PCLO: variants seen among roughly 807,000 people sequenced by gnomAD.
PCLO encodes protein piccolo.
Under a neutral mutation model 427.5 loss-of-function variants are expected in PCLO, and 82 were observed. The ratio of observed to expected loss-of-function variants is 0.19; its 90% confidence interval spans 0.16 to 0.23. PCLO has a LOEUF of 0.23. Among genes scored for constraint, PCLO ranks in the 10% least tolerant of loss-of-function variants. PCLO has a pLI of 1.00. For missense variants in PCLO, 6,239 were observed against 6,115.9 expected (o/e 1.02, Z -0.67); for synonymous variants, 2,357 against 2,155.4 (o/e 1.09, Z -2.59).
At chr7:83,018,484 A>T (rs1788264469) in intron 3 of PCLO, among the ~76,000 whole-genome samples, 1 of 151,992 alleles carries the variant, frequency 6.6e-6, no homozygotes, top group Admixed American at 6.6e-5. Flanking sequence ...GAGCTAAAAT[A>T]ATATCGAATT....
Position 83,155,725 on chromosome 7 carries a change from T to C in PCLO, c.916A>G (p.Ile306Val), listed in dbSNP as rs770385439. Reference sequence around the variant, plus strand: ...GGTTTTCCAGGAGTTGGTTGCTGAATAGGTGGTTTGGATGGGCTTGGCAGT... The same window carrying C: ...GGTTTTCCAGGAGTTGGTTGCTGAACAGGTGGTTTGGATGGGCTTGGCAGT... ...PSLPSPSKPP[I>V]QQPTPGKPPA... Residue 306 changes from isoleucine (I) to valine (V), a missense_variant, in exon 2 of 25, where the codon ATT becomes GTT. This residue lies in a region of PCLO where 4,677 missense variants were observed against 4,468.4 expected (regional missense o/e 1.05). Transcript: ENST00000333891. 3.8e-5 allele frequency: 62 copies of C among 1,613,842 alleles called. No individual in the cohort carries two copies. Among genetic ancestry groups the C allele is most frequent in the Middle Eastern group, 1.6e-4 (1 of 6,084 alleles).
chr7:83,076,041 T>C (rs937356630), intron 3 of PCLO, among the ~76,000 whole-genome samples: 2 of 151,902 alleles, frequency 1.3e-5, no homozygotes, highest in Non-Finnish European at 2.9e-5. Context: ...TGATGGCTAG[T>C]AATGCTTTGT....
intron 3 of PCLO, among the ~76,000 whole-genome samples, chr7:82,991,198 T>C (rs903823657): frequency 6.6e-6 from 1 of 152,156 alleles, no homozygotes; most frequent in Non-Finnish European, 1.5e-5. Flanking sequence ...TATGTGTCTA[T>C]TTATAGTATC....
chr7:82,761,251 TGACA>T, intron 23 of PCLO, 104 bp downstream of exon 23: 1 of 598,326 alleles, frequency 1.7e-6, no homozygotes, highest in Admixed American at 3.5e-5. Flanking sequence ...TTATTTTTTC[TGACA>T]TATTTGGTGT....
At chr7:83,118,541 G>C (rs895011968) in intron 3 of PCLO, among the ~76,000 whole-genome samples, 3 of 152,012 alleles carry the variant, frequency 2.0e-5, no homozygotes, top group Non-Finnish European at 4.4e-5. Flanking sequence ...CCTTGGAAGA[G>C]GGAGGGAGAG....
intron 3 of PCLO, among the ~76,000 whole-genome samples, chr7:83,016,880 C>T (rs980521366): frequency 7.9e-5 from 12 of 152,058 alleles, no homozygotes; most frequent in Non-Finnish European, 1.5e-4. Context: ...AAAACTAGCA[C>T]CCCCTAGGAC....
intron 2 of PCLO, among the ~76,000 whole-genome samples, chr7:83,154,212 A>C (rs1054469201): frequency 2.6e-5 from 4 of 152,324 alleles, no homozygotes; most frequent in Non-Finnish European, 5.9e-5. Flanking sequence ...ATTTTGTGAA[A>C]TGATTTAATA....
In PCLO at chr7:82,932,944, G is replaced by T. The variant is rs565890530; in HGVS notation, c.11113-16071C>A. ...CATCTTATTGAACTTCTACATATATGTCTGTCTTGAATATGATTTGGTTTT... is the reference window on the plus strand; with the variant it reads ...CATCTTATTGAACTTCTACATATATTTCTGTCTTGAATATGATTTGGTTTT... On this transcript the variant is annotated intron_variant, in intron 6 of 24. Transcript: ENST00000333891. Among the ~76,000 whole-genome samples the T allele has an allele frequency of 2.9e-4, 44 of 152,016 alleles. 2 individuals are homozygous for T. The South Asian group carries it at 8.5e-3, about 29-fold the overall frequency.
chr7:83,160,434 C>A (rs372439821), intron 1 of PCLO, among the ~76,000 whole-genome samples: 2 of 152,118 alleles, frequency 1.3e-5, no homozygotes, highest in East Asian at 3.9e-4. Context: ...AAGTGAAAAA[C>A]CAAATGTTTC....
intron 3 of PCLO, among the ~76,000 whole-genome samples, chr7:83,067,131 T>C (rs1193098256): frequency 6.6e-6 from 1 of 152,222 alleles, no homozygotes; most frequent in African/African-American, 2.4e-5. Flanking sequence ...ATCCCCAAGA[T>C]ATCTCATTAT....
chr7:83,050,631 T>C (rs902489336), intron 3 of PCLO, among the ~76,000 whole-genome samples: 26 of 151,864 alleles, frequency 1.7e-4, no homozygotes, highest in African/African-American at 6.0e-4. Context: ...AAAGCTGGGT[T>C]AACATTTAAA....
chr7:82,883,126 G>C (rs1793548602), intron 9 of PCLO, among the ~76,000 whole-genome samples: 1 of 151,946 alleles, frequency 6.6e-6, no homozygotes, highest in Non-Finnish European at 1.5e-5. Context: ...CAACTGTGTT[G>C]ATTTTTTATA....
chr7:82,886,827 A>T (rs1371637641), intron 9 of PCLO, among the ~76,000 whole-genome samples: 3 of 152,198 alleles, frequency 2.0e-5, no homozygotes, highest in African/African-American at 7.2e-5. Flanking sequence ...CAAACATCCC[A>T]TTGAAATTAT....
chr7:83,010,523 G>T (rs1788051652), intron 3 of PCLO, among the ~76,000 whole-genome samples: 1 of 150,522 alleles, frequency 6.6e-6, no homozygotes, highest in Admixed American at 6.7e-5. Flanking sequence ...CCTAAATATT[G>T]ATTTATATTT....
At chr7:82,890,429 G>C (rs1251701010) in intron 9 of PCLO, among the ~76,000 whole-genome samples, 2 of 151,826 alleles carry the variant, frequency 1.3e-5, no homozygotes, top group Non-Finnish European at 2.9e-5. Flanking sequence ...CTGTACCACA[G>C]ACTTTTCCCA....
intron 3 of PCLO, among the ~76,000 whole-genome samples, chr7:82,991,684 C>T (rs41570): frequency 0.74 from 112,800 of 151,972 alleles, 42,251 homozygotes; most frequent in East Asian, 0.92. Flanking sequence ...ATATTTTGGC[C>T]ATATTCAAAG....
At chr7:83,022,891 A>AAAAGTTG (rs1788380973) in intron 3 of PCLO, among the ~76,000 whole-genome samples, 1 of 152,198 alleles carries the variant, frequency 6.6e-6, no homozygotes, top group South Asian at 2.1e-4. Flanking sequence ...CTTTATGGAC[A>AAAAGTTG]AAAGTTGAAA....
rs771331973 is a variant in PCLO, at chr7:83,155,457, G to A, written c.1184C>T (p.Pro395Leu). Residue 395 changes from proline to leucine, a missense_variant, in exon 2 of 25, where the codon CCT becomes CTT. Physicochemically the swap from Pro to Leu is moderately conservative, Grantham distance 98. Coordinates refer to ENST00000333891, the MANE Select transcript of PCLO (RefSeq NM_033026.6). ...TTGAGCTGGAGTCTTTCCAACTCCA[G>A]GAGGCTGAGCTAAAGCCTTTGGCCC... ...QPGPKALAQPPGVGKTPAQQP... is the reference protein window; with the variant it reads ...QPGPKALAQPLGVGKTPAQQP... 1.9e-6 allele frequency: 3 copies of A among 1,609,848 alleles called. No homozygotes were observed. Among genetic ancestry groups the A allele is most frequent in the South Asian group, 1.1e-5 (1 of 90,780 alleles).
intron 6 of PCLO, among the ~76,000 whole-genome samples, chr7:82,945,195 A>G (rs959640575): frequency 6.6e-6 from 1 of 152,322 alleles, no homozygotes; most frequent in African/African-American, 2.4e-5. Context: ...ACTCAGAGCT[A>G]AACAATTAAA....
Sources: allele counts gnomAD v4.1 joint callset (sites outside exome capture counted in the v4.1 genomes callset), GRCh38; gene constraint gnomAD v4.1.1; regional missense constraint gnomAD v4.1.1; transcripts MANE v1.5; gene names NCBI Gene and HGNC (gene_info 2026-07-23, HGNC 2026-07-21).